The following BCKDHB variants were observed in gnomAD, a reference collection of about 807,000 sequenced individuals.
BCKDHB encodes the protein branched chain keto acid dehydrogenase E1 subunit beta, also known as 2-oxoisovalerate dehydrogenase subunit beta, mitochondrial.
A neutral mutation model predicts 48.5 loss-of-function variants in BCKDHB; 41 were observed. That is an observed-to-expected ratio of 0.85 (90% confidence interval 0.66 to 1.10). The LOEUF (loss-of-function observed/expected upper bound fraction) is 1.10, where lower values mean the gene tolerates loss of function less well. Ranked by LOEUF, BCKDHB falls within the 50% of genes least tolerant of loss-of-function variation. The pLI is 0.00. For missense variants in BCKDHB, 496 were observed against 494.2 expected, an observed-to-expected ratio of 1.00 and a Z score of -0.03; for synonymous variants, 201 against 174.8, an observed-to-expected ratio of 1.15 and a Z score of -1.18.
chr6:80,141,333 T>C (rs1188741611), intron 3 of BCKDHB, among the ~76,000 whole-genome samples: 3 of 152,098 alleles, frequency 2.0e-5, no homozygotes, highest in Non-Finnish European at 4.4e-5. Flanking sequence ...TGATTAGTCA[T>C]GAAATAAGAG....
intron 9 of BCKDHB, among the ~76,000 whole-genome samples, chr6:80,315,524 C>T (rs1385845466): frequency 1.3e-5 from 2 of 151,888 alleles, no homozygotes; most frequent in African/African-American, 4.8e-5. Context: ...TTTACTCACC[C>T]CCCTTTTGTT....
At chr6:80,192,893 A>C (rs1191027967) in intron 6 of BCKDHB, among the ~76,000 whole-genome samples, 1 of 149,170 alleles carries the variant, frequency 6.7e-6, no homozygotes, top group Non-Finnish European at 1.5e-5. Flanking sequence ...ATCTCAGCTC[A>C]CTGCAACCTC....
chr6:80,383,311 A>G, the BCKDHB span, among the ~76,000 whole-genome samples: 1 of 151,988 alleles, frequency 6.6e-6, no homozygotes, highest in Admixed American at 6.6e-5. Context: ...TATTTATTTT[A>G]CTGATTTATG....
At chr6:80,307,611 A>C in intron 9 of BCKDHB, 1 of 982,742 alleles carries the variant, frequency 1.0e-6, no homozygotes, top group African/African-American at 1.7e-5. Flanking sequence ...CAACAGAAAA[A>C]GTGACAAACA....
chr6:80,260,819 G>A (rs550406231), intron 8 of BCKDHB, among the ~76,000 whole-genome samples: 15 of 152,172 alleles, frequency 9.9e-5, no homozygotes, highest in East Asian at 1.9e-4. Flanking sequence ...TGCCTGATTC[G>A]GTGTATAATT....
the BCKDHB span, among the ~76,000 whole-genome samples, chr6:80,365,858 C>T: frequency 2.6e-5 from 4 of 152,150 alleles, no homozygotes; most frequent in Non-Finnish European, 4.4e-5. Context: ...CCAGCCGGTC[C>T]CTCCATTTGG....
the BCKDHB span, among the ~76,000 whole-genome samples, chr6:80,425,594 A>G: frequency 6.6e-5 from 10 of 152,324 alleles, no homozygotes; most frequent in African/African-American, 2.2e-4. Context: ...ATTTTGTTCT[A>G]GAGGAGGACC....
chr6:80,220,370 TATG>T (rs1554197763), intron 8 of BCKDHB, among the ~76,000 whole-genome samples: 1 of 142,904 alleles, frequency 7.0e-6, no homozygotes, highest in Non-Finnish European at 1.5e-5. Context: ...TTTTTCAAGT[TATG>T]TTCTATAGAT....
chr6:80,437,388 C>T, the BCKDHB span, among the ~76,000 whole-genome samples: 2 of 151,024 alleles, frequency 1.3e-5, no homozygotes, highest in Non-Finnish European at 2.9e-5. Flanking sequence ...CTTTTTTTTG[C>T]AAAGAGCCTC....
At chr6:80,271,760 C>A (rs1292190166) in intron 8 of BCKDHB, among the ~76,000 whole-genome samples, 1 of 151,714 alleles carries the variant, frequency 6.6e-6, no homozygotes, top group Non-Finnish European at 1.5e-5. Context: ...TTGCAGTGAG[C>A]CGACATGGTG....
At chr6:80,123,449 C>T (rs1770159680) in intron 1 of BCKDHB, among the ~76,000 whole-genome samples, 1 of 152,058 alleles carries the variant, frequency 6.6e-6, no homozygotes, top group African/African-American at 2.4e-5. Flanking sequence ...CCCTGACTTC[C>T]TGCAAGAAGA....
the BCKDHB span, among the ~76,000 whole-genome samples, chr6:80,436,807 T>C: frequency 1.3e-5 from 2 of 152,244 alleles, no homozygotes; most frequent in East Asian, 3.8e-4. Context: ...ATGTTGAATA[T>C]ATGCCTGACA....
intron 9 of BCKDHB, among the ~76,000 whole-genome samples, chr6:80,310,502 T>G (rs564088725): frequency 6.6e-6 from 1 of 152,268 alleles, no homozygotes; most frequent in Non-Finnish European, 1.5e-5. Flanking sequence ...CAGTCTATCA[T>G]TGACAGGCAT....
chr6:80,408,108 T>A, the BCKDHB span, among the ~76,000 whole-genome samples: 1 of 152,204 alleles, frequency 6.6e-6, no homozygotes, highest in African/African-American at 2.4e-5. Flanking sequence ...TCTGTTGAGA[T>A]AATCATGTGG....
intron 8 of BCKDHB, among the ~76,000 whole-genome samples, chr6:80,230,619 T>G (rs138592770): frequency 1.0e-3 from 157 of 152,316 alleles, no homozygotes; most frequent in African/African-American, 3.7e-3. Context: ...TAGTCCATTT[T>G]GTGTTGCTGT....
chr6:80,199,943 T>G (rs1562129921), intron 6 of BCKDHB, among the ~76,000 whole-genome samples: 1 of 149,860 alleles, frequency 6.7e-6, no homozygotes, highest in African/African-American at 2.5e-5. Context: ...AGTAGTGGTG[T>G]GCACCTGTAA....
chr6:80,130,328 G>C (rs373153203), intron 3 of BCKDHB, among the ~76,000 whole-genome samples: 1 of 152,078 alleles, frequency 6.6e-6, no homozygotes, highest in Non-Finnish European at 1.5e-5. Context: ...GTATTCATAC[G>C]GGGCAAGAGG....
At chr6:80,130,984 C>T (rs1770599986) in intron 3 of BCKDHB, among the ~76,000 whole-genome samples, 1 of 152,144 alleles carries the variant, frequency 6.6e-6, no homozygotes, top group African/African-American at 2.4e-5. Context: ...CTCACTGCGT[C>T]AGGTACTGTT....
At chr6:80,189,326 A>G (rs1048170806) in intron 6 of BCKDHB, among the ~76,000 whole-genome samples, 3 of 152,246 alleles carry the variant, frequency 2.0e-5, no homozygotes, top group African/African-American at 7.2e-5. Context: ...TGTGTGCAAC[A>G]TAGCAAATAA....
Sources: gnomAD v4.1 joint callset for allele counts (sites outside exome capture counted in the v4.1 genomes callset) on GRCh38, gnomAD v4.1.1 for gene constraint, MANE v1.5 for transcripts, NCBI Gene and HGNC (gene_info 2026-07-23, HGNC 2026-07-21) for gene names.